Variants in MSRA observed in about 807,000 individuals in gnomAD.
MSRA encodes the protein methionine sulfoxide reductase A.
A neutral mutation model predicts 31.3 loss-of-function variants in MSRA; 54 were observed. That is an observed-to-expected ratio of 1.73 (90% confidence interval 1.39 to 2.17). MSRA has a LOEUF of 2.17. Ranked by LOEUF, MSRA falls within the 30% of genes most tolerant of loss-of-function variation. The pLI is 0.00. For synonymous variants in MSRA, 169 were observed against 116.5 expected, an observed-to-expected ratio of 1.45 and a Z score of -2.90; for missense variants, 507 against 300.9, an observed-to-expected ratio of 1.69 and a Z score of -5.07.
chr8:10,206,157 G>A (rs996797987), intron 1 of MSRA, among the ~76,000 whole-genome samples: 1 of 152,120 alleles, frequency 6.6e-6, no homozygotes, highest in Non-Finnish European at 1.5e-5. Flanking sequence ...CCACTGACAG[G>A]GCTGTGAGGC....
intron 5 of MSRA, among the ~76,000 whole-genome samples, chr8:10,327,525 C>T (rs1162764534): frequency 6.6e-6 from 1 of 152,158 alleles, no homozygotes; most frequent in Non-Finnish European, 1.5e-5. Context: ...TAGATTGCAG[C>T]CAGATATTTA....
intron 1 of MSRA, among the ~76,000 whole-genome samples, chr8:10,067,685 T>G (rs1797528968): frequency 6.6e-6 from 1 of 152,218 alleles, no homozygotes; most frequent in Admixed American, 6.5e-5. Context: ...GCAGTTGTTG[T>G]TATCAGTGCT....
intron 5 of MSRA, 86 bp downstream of exon 5, chr8:10,320,075 T>G: frequency 1.3e-6 from 1 of 773,942 alleles, no homozygotes; most frequent in Non-Finnish European, 2.1e-6. Flanking sequence ...CTGCTGCTTT[T>G]CAACTGGAAT....
At chr8:10,404,582 G>A (rs1807681232) in intron 5 of MSRA, among the ~76,000 whole-genome samples, 1 of 152,258 alleles carries the variant, frequency 6.6e-6, no homozygotes, top group Admixed American at 6.5e-5. Flanking sequence ...AGCTGCTTCT[G>A]ACAGGTGCGC....
chr8:10,381,059 G>A (rs570855323), intron 5 of MSRA, among the ~76,000 whole-genome samples: 2 of 152,248 alleles, frequency 1.3e-5, no homozygotes, highest in South Asian at 4.1e-4. Flanking sequence ...AGATGGATGG[G>A]TGGAGAGATG....
chr8:10,116,241 T>G (rs763545177), intron 1 of MSRA, among the ~76,000 whole-genome samples: 1 of 152,218 alleles, frequency 6.6e-6, no homozygotes, highest in Non-Finnish European at 1.5e-5. Flanking sequence ...TTCATAAACT[T>G]TTTTAAAACA....
chr8:10,217,994 C>T lies in MSRA; in HGVS notation c.211+10093C>T, dbSNP rs374141634. The stretch of plus-strand genomic sequence containing the variant: ...CTGTCCTATTTCCTTTAGTCTTGAC[C>T]GAACGATCATGTTCATTTGTCCTCT... On this transcript the variant is annotated intron_variant, in intron 2 of 5. Transcript: ENST00000317173. Among the ~76,000 whole-genome samples the T allele has an allele frequency of 2.6e-4, 39 of 151,888 alleles. 1 individual carries two copies. The East Asian group carries it at 5.8e-3, about 23-fold the overall frequency.
chr8:10,125,815 A>T (rs527259229), intron 1 of MSRA, among the ~76,000 whole-genome samples: 1 of 152,262 alleles, frequency 6.6e-6, no homozygotes. Flanking sequence ...CAGAAGTTCA[A>T]TCACAGAAAT....
intron 1 of MSRA, among the ~76,000 whole-genome samples, chr8:10,158,863 T>C (rs899497336): frequency 2.0e-5 from 3 of 152,234 alleles, no homozygotes. Flanking sequence ...AGGATTCCAG[T>C]TTATCCACAT....
At chr8:10,310,560 C>T (rs1364316331) in intron 4 of MSRA, among the ~76,000 whole-genome samples, 4 of 152,216 alleles carry the variant, frequency 2.6e-5, no homozygotes, top group African/African-American at 9.7e-5. Context: ...CAGACTCTTA[C>T]TGAAGGTCTT....
At chr8:10,268,551 C>G (rs934683377) in intron 3 of MSRA, among the ~76,000 whole-genome samples, 2 of 152,234 alleles carry the variant, frequency 1.3e-5, no homozygotes, top group Non-Finnish European at 2.9e-5. Flanking sequence ...TCCCTATCAT[C>G]TAGACTAGCG....
intron 1 of MSRA, among the ~76,000 whole-genome samples, chr8:10,059,666 T>A (rs1346877366): frequency 6.6e-6 from 1 of 152,178 alleles, no homozygotes; most frequent in Non-Finnish European, 1.5e-5. Flanking sequence ...CACAGTAAAA[T>A]TCTTCTGCAT....
At position 10,428,377 on chromosome 8, in the gene MSRA, TTG is replaced by T; in HGVS notation, c.*70_*71del. On this transcript the variant is annotated 3_prime_UTR_variant, in exon 6 of 6. Transcript: ENST00000317173. ...ATGCTTTCAACAAATTGGGCAATGC[TTG>T]TGTGATTCACAATCGTGGCATTTAA... 1 of 1,529,074 alleles carries T rather than the reference TTG, an allele frequency of 6.5e-7. No individual in the cohort carries two copies. The highest frequency in any genetic ancestry group is 1.2e-5 in the South Asian group (1 of 85,738). 94.7% of individuals were successfully genotyped at this position (1,529,074 alleles called of 1,614,324 possible). A position where few individuals can be genotyped will look rare whatever the true frequency, so the allele number is the denominator to read the frequency against.
At chr8:10,318,203 C>T (rs1479767483) in intron 4 of MSRA, among the ~76,000 whole-genome samples, 1 of 152,154 alleles carries the variant, frequency 6.6e-6, no homozygotes, top group Non-Finnish European at 1.5e-5. Flanking sequence ...CGCAGGATGG[C>T]CATTTACCTG....
chr8:10,341,583 G>T (rs1024747392), intron 5 of MSRA, among the ~76,000 whole-genome samples: 5 of 152,140 alleles, frequency 3.3e-5, no homozygotes, highest in Non-Finnish European at 7.3e-5. Context: ...TTCATACAGC[G>T]CTGGGCTTGG....
intron 1 of MSRA, among the ~76,000 whole-genome samples, chr8:10,114,597 T>C (rs1298948184): frequency 6.6e-6 from 1 of 152,184 alleles, no homozygotes; most frequent in East Asian, 1.9e-4. Context: ...CTTAGATTGA[T>C]CCACAGTTGG....
intron 1 of MSRA, among the ~76,000 whole-genome samples, chr8:10,077,409 G>A (rs1798045502): frequency 1.3e-5 from 2 of 150,402 alleles, no homozygotes; most frequent in South Asian, 2.1e-4. Flanking sequence ...ATGGGAAGAT[G>A]TTGAAGAAAA....
chr8:10,385,482 A>G (rs1352525105), intron 5 of MSRA, among the ~76,000 whole-genome samples: 1 of 152,224 alleles, frequency 6.6e-6, no homozygotes, highest in Non-Finnish European at 1.5e-5. Flanking sequence ...CATGTGGGGC[A>G]GAGGGCAGGG....
chr8:10,218,416 A>G (rs532533369), intron 2 of MSRA, among the ~76,000 whole-genome samples: 1 of 152,224 alleles, frequency 6.6e-6, no homozygotes, highest in South Asian at 2.1e-4. Flanking sequence ...AAATGCTGGG[A>G]TTACAGGTGT....
Sources: allele counts gnomAD v4.1 joint callset (sites outside exome capture counted in the v4.1 genomes callset), GRCh38; gene constraint gnomAD v4.1.1; transcripts MANE v1.5; gene names NCBI Gene and HGNC (gene_info 2026-07-23, HGNC 2026-07-21).